The following ERP44 variants were observed in gnomAD, a reference collection of about 807,000 sequenced individuals.
The protein encoded by ERP44 is endoplasmic reticulum protein 44.
A neutral mutation model predicts 53.4 loss-of-function variants in ERP44; 25 were observed. The observed-to-expected ratio is 0.47, with a 90% CI of 0.34 to 0.65. The LOEUF (loss-of-function observed/expected upper bound fraction) is 0.65, where lower values mean the gene tolerates loss of function less well. Ranked by LOEUF, ERP44 falls within the 30% of genes least tolerant of loss-of-function variation. The probability of loss-of-function intolerance (pLI) is 0.01; values close to 1 mark genes in which losing one functional copy is unlikely to be tolerated. For synonymous variants in ERP44, 145 were observed against 161.2 expected (o/e 0.90, Z 0.76); for missense variants, 338 against 493.2 (o/e 0.69, Z 2.98).
chr9:100,090,162 A>G (rs10988969), intron 1 of ERP44, among the ~76,000 whole-genome samples: 70,615 of 151,920 alleles, frequency 0.46, 17,706 homozygotes, highest in East Asian at 0.91. Context: ...TTGACTAGCA[A>G]AAAAAGAAAA....
At chr9:100,051,299 G>A (rs1826033655) in intron 4 of ERP44, among the ~76,000 whole-genome samples, 1 of 152,152 alleles carries the variant, frequency 6.6e-6, no homozygotes, top group Admixed American at 6.5e-5. Context: ...TTCAAATTCG[G>A]GCTTTACCAG....
intron 1 of ERP44, among the ~76,000 whole-genome samples, chr9:100,095,964 C>T (rs1436060251): frequency 6.6e-6 from 1 of 152,092 alleles, no homozygotes; most frequent in South Asian, 2.1e-4. Context: ...ACTAAGCAAA[C>T]TTTTCTTGAC....
At chr9:100,004,457 G>A (rs1006557997) in intron 10 of ERP44, among the ~76,000 whole-genome samples, 3 of 152,204 alleles carry the variant, frequency 2.0e-5, no homozygotes, top group African/African-American at 7.2e-5. Flanking sequence ...GGGGCTTGGA[G>A]ATATTGCCTG....
At chr9:100,095,958 A>T (rs79621033) in intron 1 of ERP44, among the ~76,000 whole-genome samples, 2,298 of 152,290 alleles carry the variant, frequency 0.015, 21 homozygotes, top group Middle Eastern at 0.027. Context: ...ACCTAAACTA[A>T]GCAAACTTTT....
At chr9:100,044,734 G>C (rs112658576) in intron 4 of ERP44, among the ~76,000 whole-genome samples, 1 of 152,060 alleles carries the variant, frequency 6.6e-6, no homozygotes, top group African/African-American at 2.4e-5. Context: ...AGGAAGTAAG[G>C]CGCTCCTAGC....
At chr9:99,987,021 G>C (rs185481171) in intron 10 of ERP44, among the ~76,000 whole-genome samples, 25 of 152,310 alleles carry the variant, frequency 1.6e-4, no homozygotes, top group African/African-American at 5.5e-4. Context: ...AGTATGAACT[G>C]CTTCTGCTAG....
At chr9:100,059,116 G>A (rs911532378) in intron 2 of ERP44, among the ~76,000 whole-genome samples, 12 of 152,108 alleles carry the variant, frequency 7.9e-5, no homozygotes, top group African/African-American at 2.7e-4. Flanking sequence ...GACTCCATAA[G>A]ACAGGAATAG....
At chr9:100,096,027 T>A (rs1049447756) in intron 1 of ERP44, among the ~76,000 whole-genome samples, 4 of 151,948 alleles carry the variant, frequency 2.6e-5, no homozygotes, top group Admixed American at 2.0e-4. Flanking sequence ...CCCTTAAGTG[T>A]TCACATGCGG....
intron 10 of ERP44, among the ~76,000 whole-genome samples, chr9:99,994,202 CAT>C (rs1830285838): frequency 6.6e-6 from 1 of 152,304 alleles, no homozygotes; most frequent in African/African-American, 2.4e-5. Flanking sequence ...CACATGCACA[CAT>C]ATGTTAATCG....
At position 100,021,198 on chromosome 9, in the gene ERP44, A is replaced by G. The variant is rs369092847; in HGVS notation, c.472-467T>C. ...CAGAGTTGTGCTTGTAGCGAGCAAC[A>G]CGGAAATACGAGGTAATGCCTCTAG... On this transcript the variant is annotated intron_variant, in intron 5 of 11. Transcript: ENST00000262455. Among the ~76,000 whole-genome samples the G allele has an allele frequency of 2.6e-3, 395 of 152,342 alleles. 11 individuals are homozygous for G. In the South Asian group the frequency reaches 0.079, roughly 31 times the overall value.
chr9:100,041,097 G>C (rs1437185297), intron 4 of ERP44, among the ~76,000 whole-genome samples: 1 of 152,072 alleles, frequency 6.6e-6, no homozygotes, highest in African/African-American at 2.4e-5. Flanking sequence ...CCTATTCAAT[G>C]CAATCCCTAT....
At chr9:100,009,120 CT>C (rs558822980) in intron 8 of ERP44, among the ~76,000 whole-genome samples, 3 of 151,264 alleles carry the variant, frequency 2.0e-5, no homozygotes, top group African/African-American at 2.4e-5. Context: ...AATTCTAGAG[CT>C]TTTTTTTTGA....
chr9:100,013,986 A>C (rs1180142883), intron 8 of ERP44, among the ~76,000 whole-genome samples: 1 of 152,202 alleles, frequency 6.6e-6, no homozygotes, highest in Non-Finnish European at 1.5e-5. Flanking sequence ...AGCTTCATGC[A>C]ATATGAATGA....
Position 100,007,659 on chromosome 9 carries a change from T to C in ERP44, c.793A>G (p.Ile265Val). The change falls in exon 9 of 12, where the codon ATA becomes GTA. Residue 265 changes from isoleucine to valine, a missense_variant. Physicochemically the swap from Ile to Val is conservative, Grantham distance 29. Coordinates refer to ENST00000262455, the MANE Select transcript of ERP44 (RefSeq NM_015051.3). ...ELTEEGLPFL[I>V]LFHMKEDTES... is the part of the protein sequence containing the mutation. ...GTATCTTCTTTCATGTGAAAGAGTA[T>C]GAGAAAAGGCAGTCCTTCTTCTGTC... 1.2e-6 allele frequency: 2 copies of C among 1,600,324 alleles called. No homozygotes were observed. The highest frequency in any genetic ancestry group is 1.7e-6 in the Non-Finnish European group (2 of 1,167,456).
At chr9:100,042,976 T>C (rs1255222907) in intron 4 of ERP44, among the ~76,000 whole-genome samples, 1 of 151,854 alleles carries the variant, frequency 6.6e-6, no homozygotes, top group African/African-American at 2.4e-5. Context: ...AAAGAATCAA[T>C]AGGCCGGGCG....
rs894771147 is a variant in ERP44, at chr9:99,980,952, G to A, written c.*1660C>T. ...TTTGTTGATTATTTTTTCAAACCCA[G>A]TTACAGGATTACTATATTATTCCAG... On this transcript the variant is annotated 3_prime_UTR_variant, in exon 12 of 12. Transcript: ENST00000262455. The A allele has an allele frequency of 2.6e-5, 4 of 152,140 alleles. No individual in the cohort carries two copies. Among genetic ancestry groups the A allele is most frequent in the African/African-American group, 4.8e-5 (2 of 41,416 alleles). The allele number at this position is 152,140 out of a possible 1,614,324, so 9.4% of individuals were successfully genotyped here.
chr9:100,022,382 G>A (rs1039688176), intron 4 of ERP44, among the ~76,000 whole-genome samples, 156 bp from the exon 5 acceptor site: 2 of 152,186 alleles, frequency 1.3e-5, no homozygotes, highest in Non-Finnish European at 2.9e-5. Context: ...ATCAGGACTT[G>A]AGTTTACATT....
chr9:100,098,377 C>A (rs1163414130), intron 1 of ERP44, among the ~76,000 whole-genome samples: 1 of 152,196 alleles, frequency 6.6e-6, no homozygotes, highest in East Asian at 1.9e-4. Flanking sequence ...CAGTGAGAGT[C>A]ACACAACCCC....
intron 4 of ERP44, among the ~76,000 whole-genome samples, chr9:100,025,927 G>C (rs558421435): frequency 1.3e-5 from 2 of 152,210 alleles, no homozygotes; most frequent in South Asian, 2.1e-4. Flanking sequence ...AAATGTGTTG[G>C]TCCTACTGCA....
Sources: allele counts gnomAD v4.1 joint callset (sites outside exome capture counted in the v4.1 genomes callset), GRCh38; gene constraint gnomAD v4.1.1; transcripts MANE v1.5; gene names NCBI Gene and HGNC (gene_info 2026-07-23, HGNC 2026-07-21).